Variants in DOCK3 observed in about 807,000 individuals in gnomAD.
DOCK3 encodes the protein dedicator of cytokinesis protein 3.
Under a neutral mutation model 265.6 loss-of-function variants are expected in DOCK3, and 60 were observed. That is an observed-to-expected ratio of 0.23 (90% CI 0.18 to 0.28). The LOEUF (loss-of-function observed/expected upper bound fraction) is 0.28. Ranked by LOEUF, DOCK3 falls within the 10% of genes least tolerant of loss-of-function variation. The pLI is 1.00. For missense variants in DOCK3, 1,981 were observed against 2,594.3 expected (o/e 0.76, Z 5.14); for synonymous variants, 881 against 938.0 (o/e 0.94, Z 1.11).
intron 4 of DOCK3, among the ~76,000 whole-genome samples, chr3:50,926,708 A>G (rs2050777838): frequency 7.2e-5 from 11 of 152,206 alleles, no homozygotes; most frequent in Admixed American, 6.5e-4. Context: ...TGAGCACGTT[A>G]TGGACTGTTG....
At chr3:50,977,211 A>G (rs376534024) in intron 5 of DOCK3, among the ~76,000 whole-genome samples, 13,371 of 149,772 alleles carry the variant, frequency 0.089, 720 homozygotes, top group Non-Finnish European at 0.12. Context: ...TATTTTGCTC[A>G]TTAGTTGATG....
intron 2 of DOCK3, among the ~76,000 whole-genome samples, chr3:50,798,143 A>AG (rs1374372909): frequency 6.6e-6 from 1 of 152,194 alleles, no homozygotes; most frequent in Non-Finnish European, 1.5e-5. Flanking sequence ...GTTACATGCG[A>AG]GGGGGGAAAT....
At chr3:51,267,165 A>C (rs2080225962) in intron 23 of DOCK3, among the ~76,000 whole-genome samples, 1 of 152,200 alleles carries the variant, frequency 6.6e-6, no homozygotes, top group Admixed American at 6.5e-5. Flanking sequence ...AAGTTAGGAT[A>C]CAACAGATGC....
chr3:50,683,149 A>G (rs1475072592), intron 1 of DOCK3, among the ~76,000 whole-genome samples: 1 of 152,238 alleles, frequency 6.6e-6, no homozygotes, highest in African/African-American at 2.4e-5. Context: ...CTGAATTTAT[A>G]ACAACTCTAG....
At chr3:50,924,664 G>C in intron 4 of DOCK3, among the ~76,000 whole-genome samples, 1 of 152,362 alleles carries the variant, frequency 6.6e-6, no homozygotes, top group South Asian at 2.1e-4. Context: ...CTTGGAATAT[G>C]TGTACCACAT....
intron 1 of DOCK3, chr3:50,719,622 G>T (rs773987745): frequency 6.4e-7 from 1 of 1,553,210 alleles, no homozygotes; most frequent in African/African-American, 1.4e-5. Context: ...AACCACTGAG[G>T]TCTTGGCAGT....
Position 51,055,022 on chromosome 3 carries a change from A to G in DOCK3, c.316-9426A>G, listed in dbSNP as rs909025753. 3.9e-5 allele frequency among the ~76,000 whole-genome samples: 6 copies of G among 152,316 alleles called. No homozygotes were observed. In the East Asian group the frequency reaches 7.7e-4, roughly 20 times the overall value. ...ATTCATATTTAAGAATGAGGCATTAAAATGTTGACAGAAAGCTCTGTGAAT... is the reference window on the plus strand; with the variant it reads ...ATTCATATTTAAGAATGAGGCATTAGAATGTTGACAGAAAGCTCTGTGAAT... On this transcript the variant is annotated intron_variant, in intron 5 of 52. Coordinates refer to ENST00000266037, the MANE Select transcript of DOCK3 (RefSeq NM_004947.5).
At chr3:51,364,882 G>A (rs1017183111) in intron 49 of DOCK3, among the ~76,000 whole-genome samples, 2 of 152,202 alleles carry the variant, frequency 1.3e-5, no homozygotes, top group Admixed American at 6.5e-5. Context: ...TTTGGTTACT[G>A]TAGCCTTGTA....
intron 5 of DOCK3, among the ~76,000 whole-genome samples, chr3:50,961,917 G>C (rs1418273098): frequency 1.3e-5 from 2 of 152,026 alleles, no homozygotes; most frequent in African/African-American, 4.8e-5. Flanking sequence ...CCTTCTTATG[G>C]GGAAAAATTC....
chr3:51,373,496 C>T (rs2087845605), intron 49 of DOCK3, among the ~76,000 whole-genome samples: 1 of 152,194 alleles, frequency 6.6e-6, no homozygotes, highest in Non-Finnish European at 1.5e-5. Context: ...GAGGGCCTTC[C>T]AAATTACCCA....
At chr3:51,278,438 T>C (rs1303021743) in intron 26 of DOCK3, 1 of 985,198 alleles carries the variant, frequency 1.0e-6, no homozygotes, top group East Asian at 1.1e-4. Flanking sequence ...CATTGGCAGA[T>C]GGGAGATTAC....
At chr3:51,343,070 C>G (rs1299729496) in intron 38 of DOCK3, among the ~76,000 whole-genome samples, 3 of 152,082 alleles carry the variant, frequency 2.0e-5, no homozygotes, top group Admixed American at 2.0e-4. Context: ...TGAAAATATT[C>G]CGGGTTTTCA....
chr3:51,166,257 G>T (rs2086401371), intron 12 of DOCK3, among the ~76,000 whole-genome samples: 1 of 151,742 alleles, frequency 6.6e-6, no homozygotes, highest in African/African-American at 2.4e-5. Context: ...CACCATGTTG[G>T]CCAGGCTGGT....
intron 9 of DOCK3, 106 bp from the exon 10 acceptor site, chr3:51,146,443 C>T (rs1210225476): frequency 8.3e-7 from 1 of 1,209,180 alleles, no homozygotes; most frequent in East Asian, 2.6e-5. Context: ...CTTGTCACTG[C>T]AAGCTGTTAT....
intron 9 of DOCK3, among the ~76,000 whole-genome samples, chr3:51,096,858 A>G (rs2082878594): frequency 6.6e-6 from 1 of 152,066 alleles, no homozygotes; most frequent in Admixed American, 6.5e-5. Context: ...CGTTGATGCT[A>G]TTTCTTTCTG....
At chr3:50,974,615 C>T (rs1239077872) in intron 5 of DOCK3, among the ~76,000 whole-genome samples, 55 of 145,096 alleles carry the variant, frequency 3.8e-4, no homozygotes, top group African/African-American at 1.3e-3. Flanking sequence ...ATTGACTTGG[C>T]GATGCGGGCT....
chr3:50,854,428 C>CTT (rs1295030255), intron 3 of DOCK3, among the ~76,000 whole-genome samples: 2 of 139,456 alleles, frequency 1.4e-5, no homozygotes, highest in South Asian at 2.4e-4. Context: ...CTCCCCCCAT[C>CTT]TTTTTTTTTT....
intron 5 of DOCK3, among the ~76,000 whole-genome samples, chr3:51,044,547 G>A (rs2080679618): frequency 6.7e-6 from 1 of 149,856 alleles, no homozygotes; most frequent in Non-Finnish European, 1.5e-5. Context: ...GTTTACCTTT[G>A]TAACAAGCCT....
At chr3:50,703,366 G>T (rs1298920106) in intron 1 of DOCK3, among the ~76,000 whole-genome samples, 1 of 152,086 alleles carries the variant, frequency 6.6e-6, no homozygotes, top group Non-Finnish European at 1.5e-5. Flanking sequence ...CCTGTTGAAT[G>T]AATTGGGAAG....
Sources: gnomAD v4.1 joint callset for allele counts (sites outside exome capture counted in the v4.1 genomes callset) on GRCh38, gnomAD v4.1.1 for gene constraint, MANE v1.5 for transcripts, NCBI Gene and HGNC (gene_info 2026-07-23, HGNC 2026-07-21) for gene names.